The following ANKS1B variants were observed in gnomAD, a reference collection of about 807,000 sequenced individuals.
The protein encoded by ANKS1B is ankyrin repeat and sterile alpha motif domain containing 1B.
ANKS1B carries 36 observed loss-of-function variants against 148.3 expected under a neutral mutation model. That is an observed-to-expected ratio of 0.24 (90% CI 0.19 to 0.32). The LOEUF is 0.32. Ranked by LOEUF, ANKS1B falls within the 10% of genes least tolerant of loss-of-function variation. ANKS1B has a pLI of 1.00. For missense variants in ANKS1B, 1,157 were observed against 1,542.6 expected (o/e 0.75, Z 4.19); for synonymous variants, 542 against 560.8 (o/e 0.97, Z 0.47).
chr12:99,874,356 G>T (rs1217873381), intron 1 of ANKS1B, among the ~76,000 whole-genome samples: 2 of 152,016 alleles, frequency 1.3e-5, no homozygotes, highest in African/African-American at 4.8e-5. Context: ...CTTCCCACAA[G>T]AACTGTTACA....
At chr12:99,801,583 G>C (rs773510175) in intron 4 of ANKS1B, among the ~76,000 whole-genome samples, 1 of 152,168 alleles carries the variant, frequency 6.6e-6, no homozygotes, top group African/African-American at 2.4e-5. Flanking sequence ...TGGATACAAT[G>C]AGTAAAAACA....
chr12:99,653,077 T>G (rs1704811096), intron 9 of ANKS1B, among the ~76,000 whole-genome samples: 1 of 152,168 alleles, frequency 6.6e-6, no homozygotes, highest in South Asian at 2.1e-4. Flanking sequence ...TCTGAGGAAT[T>G]AATAAACTTA....
intron 17 of ANKS1B, among the ~76,000 whole-genome samples, chr12:99,025,633 C>T (rs2099948298): frequency 1.3e-5 from 2 of 152,228 alleles, no homozygotes; most frequent in Admixed American, 6.5e-5. Context: ...AAACTGGAAC[C>T]CACAAGGTCA....
intron 12 of ANKS1B, among the ~76,000 whole-genome samples, chr12:99,358,833 C>T (rs997521660): frequency 6.6e-6 from 1 of 152,026 alleles, no homozygotes; most frequent in Admixed American, 6.6e-5. Flanking sequence ...TAGTCCCATC[C>T]CTTATGGAGC....
intron 9 of ANKS1B, among the ~76,000 whole-genome samples, chr12:99,517,701 C>A (rs538696218): frequency 5.3e-5 from 8 of 152,034 alleles, no homozygotes; most frequent in African/African-American, 1.4e-4. Context: ...AATTTGGATG[C>A]CCTTTATATC....
At chr12:99,214,191 A>AT (rs1246645385) in intron 14 of ANKS1B, among the ~76,000 whole-genome samples, 1 of 152,204 alleles carries the variant, frequency 6.6e-6, no homozygotes, top group Non-Finnish European at 1.5e-5. Context: ...ATTCTAGCTT[A>AT]TGTAATAGTT....
chr12:99,680,556 C>A (rs1487516291), intron 8 of ANKS1B, among the ~76,000 whole-genome samples: 1 of 152,154 alleles, frequency 6.6e-6, no homozygotes, highest in African/African-American at 2.4e-5. Context: ...GGGGAAGGAC[C>A]ACAGGGAGAA....
intron 9 of ANKS1B, among the ~76,000 whole-genome samples, chr12:99,588,221 T>TCTTAGCTTAATAAA (rs1183742605): frequency 7.2e-5 from 11 of 151,932 alleles, no homozygotes; most frequent in Non-Finnish European, 1.3e-4. Flanking sequence ...AGCTAAACAC[T>TCTTAGCTTAATAAA]CTTAGAATTA....
chr12:99,514,303 C>A (rs866993129), intron 9 of ANKS1B, among the ~76,000 whole-genome samples: 56 of 152,066 alleles, frequency 3.7e-4, no homozygotes, highest in African/African-American at 1.2e-3. Context: ...ACCATAGGGG[C>A]AAGAACCATG....
At chr12:99,214,359 T>G (rs1354784696) in intron 14 of ANKS1B, among the ~76,000 whole-genome samples, 1 of 152,204 alleles carries the variant, frequency 6.6e-6, no homozygotes, top group African/African-American at 2.4e-5. Context: ...AAATCTCATT[T>G]GAATTGTAGC....
At chr12:99,212,254 G>A (rs1255645415) in intron 14 of ANKS1B, among the ~76,000 whole-genome samples, 1 of 152,104 alleles carries the variant, frequency 6.6e-6, no homozygotes, top group African/African-American at 2.4e-5. Context: ...GCCATGGTTT[G>A]GCTCAAACTT....
chr12:99,788,287 G>A (rs999946227), intron 4 of ANKS1B, among the ~76,000 whole-genome samples: 2 of 152,178 alleles, frequency 1.3e-5, no homozygotes, highest in Non-Finnish European at 2.9e-5. Context: ...CATCTTAGAT[G>A]TCAGCTCAGC....
chr12:98,988,774 CT>C (rs1467273693), intron 17 of ANKS1B, among the ~76,000 whole-genome samples: 3 of 152,034 alleles, frequency 2.0e-5, no homozygotes, highest in Non-Finnish European at 4.4e-5. Context: ...TATCTTTTGT[CT>C]TTTTGATAAT....
chr12:99,604,035 TAC>T (rs1434575664), intron 9 of ANKS1B, among the ~76,000 whole-genome samples: 2 of 152,096 alleles, frequency 1.3e-5, no homozygotes, highest in African/African-American at 2.4e-5. Context: ...CACAACACTT[TAC>T]AATTCTAGTT....
At chr12:99,607,007 C>T (rs942390434) in intron 9 of ANKS1B, among the ~76,000 whole-genome samples, 2 of 152,048 alleles carry the variant, frequency 1.3e-5, no homozygotes, top group Non-Finnish European at 2.9e-5. Flanking sequence ...ATGGATGGTA[C>T]AGAGCTCAGG....
chr12:98,886,365 C>A (rs1178812638), intron 17 of ANKS1B, among the ~76,000 whole-genome samples: 1 of 151,902 alleles, frequency 6.6e-6, no homozygotes, highest in East Asian at 1.9e-4. Context: ...AAGAAAGGAC[C>A]CAGGTACCAT....
chr12:98,848,302 A>G (rs529428856), intron 17 of ANKS1B, among the ~76,000 whole-genome samples: 4 of 152,370 alleles, frequency 2.6e-5, no homozygotes, highest in Non-Finnish European at 4.4e-5. Flanking sequence ...TAGAATAACA[A>G]CATACAATAA....
At chr12:99,300,635 T>G (rs2081469981) in intron 12 of ANKS1B, among the ~76,000 whole-genome samples, 1 of 152,202 alleles carries the variant, frequency 6.6e-6, no homozygotes, top group African/African-American at 2.4e-5. Context: ...CATGCCCAAC[T>G]GTTCTGGAGA....
chr12:98,773,319 T>C (rs2098619257), intron 24 of ANKS1B, 140 bp from the exon 25 acceptor site: 1 of 928,072 alleles, frequency 1.1e-6, no homozygotes, highest in South Asian at 2.0e-5. Flanking sequence ...TGGTCCACTA[T>C]ATTATTTGTG....
Sources: allele counts gnomAD v4.1 joint callset (sites outside exome capture counted in the v4.1 genomes callset), GRCh38; gene constraint gnomAD v4.1.1; transcripts MANE v1.5; gene names NCBI Gene and HGNC (gene_info 2026-07-23, HGNC 2026-07-21).